Variants in ANKRD28 observed in about 807,000 individuals in gnomAD.
ANKRD28 encodes the protein ankyrin repeat domain 28.
A neutral mutation model predicts 126.5 loss-of-function variants in ANKRD28; 44 were observed. That is an observed-to-expected ratio of 0.35 (90% CI 0.27 to 0.45). ANKRD28 has a LOEUF of 0.45. ANKRD28 is among the 20% of genes least tolerant of loss of function. ANKRD28 has a pLI of 1.00. For missense variants in ANKRD28, 1,110 were observed against 1,316.6 expected, an observed-to-expected ratio of 0.84 and a Z score of 2.43; for synonymous variants, 442 against 468.5, an observed-to-expected ratio of 0.94 and a Z score of 0.73.
intron 1 of ANKRD28, among the ~76,000 whole-genome samples, chr3:15,820,589 A>C (rs1374650559): frequency 1.3e-5 from 2 of 152,204 alleles, no homozygotes; most frequent in South Asian, 2.1e-4. Context: ...CTATTCTAAC[A>C]AACTAACCTT....
At chr3:15,806,256 A>C (rs2060575164) in intron 1 of ANKRD28, among the ~76,000 whole-genome samples, 1 of 152,228 alleles carries the variant, frequency 6.6e-6, no homozygotes, top group South Asian at 2.1e-4. Context: ...TTAGCTGTAG[A>C]CAATTTTGAA....
intron 3 of ANKRD28, among the ~76,000 whole-genome samples, chr3:15,762,549 G>A (rs1333181784): frequency 6.6e-6 from 1 of 151,776 alleles, no homozygotes; most frequent in Non-Finnish European, 1.5e-5. Context: ...TGTCTTTCTA[G>A]ATTGTGGAAA....
intron 8 of ANKRD28, among the ~76,000 whole-genome samples, chr3:15,716,395 G>A (rs1317812536): frequency 2.0e-5 from 3 of 150,956 alleles, no homozygotes; most frequent in Non-Finnish European, 4.4e-5. Flanking sequence ...GGGTTCAAGT[G>A]ATCTTCTAAC....
rs963122970 is a variant in ANKRD28, at chr3:15,845,108, G to T, written c.27+14269C>A. Among the ~76,000 whole-genome samples, 1 of 152,144 alleles carries T rather than the reference G, an allele frequency of 6.6e-6. No homozygotes were observed. Among genetic ancestry groups the T allele is most frequent in the Non-Finnish European group, 1.5e-5 (1 of 68,034 alleles). ...CAGTACCAAAGGGGAAATCCCCCAT[G>T]ATCCAATCACCTCCCACAAGGTCCC... is the stretch of plus-strand genomic sequence containing the variant. On this transcript the variant is annotated intron_variant, in intron 1 of 27. Coordinates refer to the ANKRD28 transcript ENST00000399451. The surrounding 1 kb of genome is among the most constrained non-coding windows in gnomAD (Gnocchi z 4.9).
At chr3:15,742,150 G>A (rs1378073037) in intron 4 of ANKRD28, among the ~76,000 whole-genome samples, 6 of 151,796 alleles carry the variant, frequency 4.0e-5, no homozygotes, top group East Asian at 3.9e-4. Context: ...GCCTCTGCCC[G>A]GCCGCCACCC....
chr3:15,809,219 T>C (rs2060655195), intron 1 of ANKRD28, among the ~76,000 whole-genome samples: 1 of 152,184 alleles, frequency 6.6e-6, no homozygotes, highest in South Asian at 2.1e-4. Context: ...ACATAAAGTT[T>C]TCCTAAACTC....
intron 21 of ANKRD28, among the ~76,000 whole-genome samples, chr3:15,680,030 C>T (rs893762410): frequency 5.3e-5 from 8 of 152,034 alleles, no homozygotes; most frequent in Admixed American, 2.0e-4. Context: ...GGGACTTGAG[C>T]GCCTGTTGGT....
In ANKRD28 at chr3:15,670,181, T is replaced by C. The variant is rs1037999882; in HGVS notation, c.*89A>G. On this transcript the variant is annotated 3_prime_UTR_variant, in exon 28 of 28. Transcript: ENST00000683139. ...TCACTGTGGGATCTTTCCTCTTAGG[T>C]TGAATTTCTACGTGAATATCAAAGT... 4 of 1,411,930 alleles carry C rather than the reference T, an allele frequency of 2.8e-6. No individual in the cohort carries two copies. Among genetic ancestry groups the C allele is most frequent in the African/African-American group, 2.9e-5 (2 of 70,072 alleles). The allele number at this position is 1,411,930 out of a possible 1,614,324, so 87.5% of individuals were successfully genotyped here.
intron 3 of ANKRD28, among the ~76,000 whole-genome samples, chr3:15,757,605 G>T (rs2058232114): frequency 1.3e-5 from 2 of 152,096 alleles, no homozygotes; most frequent in Non-Finnish European, 2.9e-5. Flanking sequence ...TTGTAAAAGT[G>T]GCCCAAGAGC....
intron 4 of ANKRD28, among the ~76,000 whole-genome samples, chr3:15,737,899 TAA>T (rs34999182): frequency 0.027 from 3,899 of 144,236 alleles, 52 homozygotes; most frequent in Middle Eastern, 0.054. Context: ...TCAATTTCAT[TAA>T]AAAAAAAAAA....
chr3:15,781,874 A>C (rs2059553695), intron 2 of ANKRD28, among the ~76,000 whole-genome samples: 1 of 152,136 alleles, frequency 6.6e-6, no homozygotes, highest in Non-Finnish European at 1.5e-5. Context: ...AAAGTAGTAC[A>C]TGGAGAGACT....
intron 6 of ANKRD28, among the ~76,000 whole-genome samples, chr3:15,730,697 C>T: frequency 6.6e-6 from 1 of 152,178 alleles, no homozygotes; most frequent in East Asian, 1.9e-4. Flanking sequence ...CGATATTCAT[C>T]TTATTCTGTG....
chr3:15,700,320 T>G (rs1056268217), intron 14 of ANKRD28, among the ~76,000 whole-genome samples: 1 of 152,024 alleles, frequency 6.6e-6, no homozygotes, highest in Non-Finnish European at 1.5e-5. Context: ...GGGGGAGGGA[T>G]AGCATTAGGA....
intron 1 of ANKRD28, among the ~76,000 whole-genome samples, chr3:15,829,988 T>A (rs1170350672): frequency 6.6e-6 from 1 of 151,750 alleles, no homozygotes; most frequent in Non-Finnish European, 1.5e-5. Flanking sequence ...CACATAAGCA[T>A]TTTTCCTGTG....
intron 14 of ANKRD28, among the ~76,000 whole-genome samples, chr3:15,707,053 GCTT>G (rs1451375737): frequency 6.6e-6 from 1 of 152,130 alleles, no homozygotes; most frequent in African/African-American, 2.4e-5. Flanking sequence ...ATCAAATTAT[GCTT>G]CTTATTTTGA....
At chr3:15,741,697 CTTTTTTTTTTTTTTTTTTTT>C (rs58655271) in intron 4 of ANKRD28, among the ~76,000 whole-genome samples, 783 of 33,674 alleles carry the variant, frequency 0.023, 11 homozygotes, top group Middle Eastern at 0.031. Context: ...TGGTTCTATC[CTTTTTTTTTTTTTTTTTTTT>C]TTTTTTTTTT....
At position 15,853,755 on chromosome 3, in the gene ANKRD28, C is replaced by T. The variant is rs2061703078; in HGVS notation, c.27+5622G>A. ...AAGTGCTGGGATTACAGGCATGAGC[C>T]ACCGCGCCCGGCCCTAAAATCAATG... is the stretch of plus-strand genomic sequence containing the variant. On this transcript the variant is annotated intron_variant, in intron 1 of 27. Transcript: ENST00000399451. The surrounding 1 kb of genome is among the most constrained non-coding windows in gnomAD (Gnocchi z 4.2). 6.6e-6 allele frequency among the ~76,000 whole-genome samples: 1 copy of T among 152,166 alleles called. No individual in the cohort carries two copies. Among genetic ancestry groups the T allele is most frequent in the Non-Finnish European group, 1.5e-5 (1 of 68,034 alleles).
rs1261802320 is a variant in ANKRD28 at position 15,853,519 on chromosome 3, G to C, written c.27+5858C>G. Among the ~76,000 whole-genome samples the C allele has an allele frequency of 6.6e-6, 1 of 152,010 alleles. No individual in the cohort carries two copies. The highest frequency in any genetic ancestry group is 2.4e-5 in the African/African-American group (1 of 41,362). ...GAGTCTCATTCTGTCGCCCAGGCTG[G>C]AGTGCAGTAGTACGATTCTGGCTCA... On this transcript the variant is annotated intron_variant, in intron 1 of 27. Transcript: ENST00000399451. The surrounding 1 kb of genome is among the most constrained non-coding windows in gnomAD (Gnocchi z 4.2).
At chr3:15,689,773 G>T in intron 18 of ANKRD28, 1 of 361,146 alleles carries the variant, frequency 2.8e-6, no homozygotes, top group Non-Finnish European at 5.0e-6. Flanking sequence ...TACTTGGGTT[G>T]ATATAATACA....
Sources: gnomAD v4.1 joint callset for allele counts (sites outside exome capture counted in the v4.1 genomes callset) on GRCh38, gnomAD v4.1.1 for gene constraint, Gnocchi (gnomAD v3.1) non-coding constraint, MANE v1.5 for transcripts, NCBI Gene and HGNC (gene_info 2026-07-23, HGNC 2026-07-21) for gene names.